MDGA1: variants seen among roughly 807,000 people sequenced by gnomAD.
MDGA1 encodes the protein MAM domain-containing glycosylphosphatidylinositol anchor protein 1.
MDGA1 carries 54 observed loss-of-function variants against 101.5 expected under a neutral mutation model. The observed-to-expected ratio is 0.53, with a 90% confidence interval of 0.43 to 0.67. MDGA1 has a LOEUF of 0.67. Ranked by LOEUF, MDGA1 falls within the 30% of genes least tolerant of loss-of-function variation. The pLI is 0.00. For synonymous variants in MDGA1, 533 were observed against 558.3 expected, an observed-to-expected ratio of 0.95 and a Z score of 0.64; for missense variants, 1,083 against 1,323.8, an observed-to-expected ratio of 0.82 and a Z score of 2.82.
rs1450728669 is a variant in MDGA1, at chr6:37,637,449, C to T, written c.2787G>A (p.Met929Ile). Residue 929 changes from methionine to isoleucine, a missense_variant, in exon 17 of 17, where the codon ATG becomes ATA. Met to Ile is a conservative substitution (Grantham distance 10). This residue lies in a region of MDGA1 where 657 missense variants were observed against 771.4 expected (regional missense o/e 0.85). Coordinates refer to ENST00000434837, the MANE Select transcript of MDGA1 (RefSeq NM_153487.4). ...ACTGGCAGGGGGCTCCACTGCCCGG[C>T]ATCACCACCACTGCAACAGGGGAGA... is the stretch of plus-strand genomic sequence containing the variant. ...KQTDPNKVVV[M>I]PGSGAPCQSS... The T allele has an allele frequency of 6.2e-7, 1 of 1,613,074 alleles. No homozygotes were observed. Among genetic ancestry groups the T allele is most frequent in the Non-Finnish European group, 8.5e-7 (1 of 1,179,574 alleles).
intron 1 of MDGA1, among the ~76,000 whole-genome samples, chr6:37,670,251 T>C (rs1217760424): frequency 6.6e-6 from 1 of 152,098 alleles, no homozygotes; most frequent in African/African-American, 2.4e-5. Flanking sequence ...CCCAAGATGA[T>C]GAAATAGGAG....
intron 1 of MDGA1, among the ~76,000 whole-genome samples, chr6:37,676,018 CT>C (rs1385838360): frequency 2.0e-5 from 3 of 152,208 alleles, no homozygotes; most frequent in Non-Finnish European, 4.4e-5. Context: ...CATAACAGGG[CT>C]CCCTATTGTG....
chr6:37,673,378 C>T (rs575098864), intron 1 of MDGA1, among the ~76,000 whole-genome samples: 2 of 152,346 alleles, frequency 1.3e-5, no homozygotes, highest in East Asian at 3.9e-4. Context: ...TGCAAATGAA[C>T]ACTTAATAAT....
intron 14 of MDGA1, among the ~76,000 whole-genome samples, chr6:37,642,888 A>G (rs922649298): frequency 1.3e-5 from 2 of 152,222 alleles, no homozygotes; most frequent in Non-Finnish European, 2.9e-5. Flanking sequence ...CCTGGAACTG[A>G]GCAGGAGCTC....
In MDGA1 at chr6:37,636,897, G is replaced by A. The variant is rs13198650; in HGVS notation, c.*471C>T. ...CAGGAGTCCCAGAGTCTGACCAAGGGAGGGGCTCCATGTCTGCCCCACTTC... is the reference window on the plus strand; with the variant it reads ...CAGGAGTCCCAGAGTCTGACCAAGGAAGGGGCTCCATGTCTGCCCCACTTC... On this transcript the variant is annotated 3_prime_UTR_variant, in exon 17 of 17. Transcript: ENST00000434837. 52,447 of 153,272 alleles carry A rather than the reference G, an allele frequency of 0.34. 10,130 individuals carry two copies. Among genetic ancestry groups the A allele is most frequent in the Non-Finnish European group, 0.45 (30,971 of 68,504 alleles). The allele number at this position is 153,272 out of a possible 1,614,324, so 9.5% of individuals were successfully genotyped here.
At chr6:37,689,815 T>G (rs1762272492) in intron 1 of MDGA1, among the ~76,000 whole-genome samples, 1 of 152,218 alleles carries the variant, frequency 6.6e-6, no homozygotes, top group African/African-American at 2.4e-5. Flanking sequence ...CTTTTAGTGC[T>G]TAATGATGGT....
At chr6:37,666,133 G>A (rs1489963767) in intron 1 of MDGA1, among the ~76,000 whole-genome samples, 1 of 150,556 alleles carries the variant, frequency 6.6e-6, no homozygotes, top group Non-Finnish European at 1.5e-5. Context: ...GGATCACGAG[G>A]TCAGGAGTTC....
At chr6:37,644,372 C>T (rs971807545) in intron 13 of MDGA1, 125 bp downstream of exon 13, 23 of 1,097,584 alleles carry the variant, frequency 2.1e-5, no homozygotes, top group Non-Finnish European at 2.7e-5. Context: ...CCAGAGCTCC[C>T]TGAGAACAGG....
chr6:37,682,673 C>T (rs1762122226), intron 1 of MDGA1, among the ~76,000 whole-genome samples: 1 of 152,152 alleles, frequency 6.6e-6, no homozygotes, highest in Non-Finnish European at 1.5e-5. Context: ...CTAAGATTCC[C>T]GCTGGCTCTG....
intron 1 of MDGA1, among the ~76,000 whole-genome samples, chr6:37,670,974 T>G (rs1761856962): frequency 6.6e-6 from 1 of 152,194 alleles, no homozygotes; most frequent in South Asian, 2.1e-4. Context: ...ATGGCTGGAT[T>G]TGATCATCTT....
At chr6:37,646,811 G>A (rs1342104321) in intron 10 of MDGA1, among the ~76,000 whole-genome samples, 2 of 152,116 alleles carry the variant, frequency 1.3e-5, no homozygotes, top group African/African-American at 4.8e-5. Flanking sequence ...GCATGGTGGA[G>A]ACCCCCTGGA....
chr6:37,665,253 A>T (rs1761722105), intron 1 of MDGA1, among the ~76,000 whole-genome samples: 1 of 152,162 alleles, frequency 6.6e-6, no homozygotes, highest in South Asian at 2.1e-4. Flanking sequence ...CTAACTTCAC[A>T]GGTTCTGCTC....
At chr6:37,654,214 A>G (rs1015208526) in intron 6 of MDGA1, 60 bp downstream of exon 6, 14 of 1,481,876 alleles carry the variant, frequency 9.4e-6, no homozygotes, top group Non-Finnish European at 1.3e-5. Context: ...GGTAGCTCCC[A>G]AAGACCAGGG....
At chr6:37,642,054 C>G (rs571570703) in intron 14 of MDGA1, among the ~76,000 whole-genome samples, 1 of 150,668 alleles carries the variant, frequency 6.6e-6, no homozygotes, top group Non-Finnish European at 1.5e-5. Flanking sequence ...TGTGGACTGA[C>G]AAGGAATAAT....
intron 2 of MDGA1, among the ~76,000 whole-genome samples, chr6:37,658,841 C>T (rs987298167): frequency 1.3e-5 from 2 of 151,862 alleles, no homozygotes; most frequent in African/African-American, 2.4e-5. Flanking sequence ...CGTTATGGCG[C>T]GCACCTGTGG....
rs1057241864 is a variant in MDGA1, at chr6:37,655,791, G to A, written c.488C>T (p.Pro163Leu). Residue 163 changes from proline to leucine, a missense_variant, in exon 4 of 17, where the codon CCG becomes CTG. Pro to Leu is a moderately conservative substitution (Grantham distance 98). Around this residue, in one of 3 missense-constraint regions of MDGA1, gnomAD observed 310 missense variants for 355.9 expected, o/e 0.87. Coordinates refer to ENST00000434837, the MANE Select transcript of MDGA1 (RefSeq NM_153487.4). This position sits in a 1 kb window ranked among gnomAD's most constrained non-coding sequence, Gnocchi z 5.1. ...VFLRCTVNSN[P>L]PARFIWKRGS... is the part of the protein sequence containing the mutation. ...CCGCTTCCAGATGAAGCGGGCAGGC[G>A]GGTTGGAGTTGACAGTACAGCGCAG... 1 of 1,613,658 alleles carries A rather than the reference G, an allele frequency of 6.2e-7. No individual in the cohort carries two copies. Among genetic ancestry groups the A allele is most frequent in the African/African-American group, 1.3e-5 (1 of 75,038 alleles).
At chr6:37,653,719 G>T (rs1761419762) in intron 6 of MDGA1, among the ~76,000 whole-genome samples, 1 of 152,128 alleles carries the variant, frequency 6.6e-6, no homozygotes, top group Non-Finnish European at 1.5e-5. Flanking sequence ...TGAGGCTGAG[G>T]TTTAATAAGA....
At chr6:37,656,909 A>T (rs936599644) in intron 3 of MDGA1, among the ~76,000 whole-genome samples, 1 of 152,182 alleles carries the variant, frequency 6.6e-6, no homozygotes, top group African/African-American at 2.4e-5. Flanking sequence ...CTGTTTGCCC[A>T]AGAGCATTAC....
intron 13 of MDGA1, 139 bp from the exon 14 acceptor site, chr6:37,644,082 T>C (rs1381240827): frequency 1.3e-6 from 1 of 761,338 alleles, no homozygotes; most frequent in Non-Finnish European, 1.8e-6. Flanking sequence ...CCACGCATCC[T>C]GCCTCACCCC....
Sources: gnomAD v4.1 joint callset for allele counts (sites outside exome capture counted in the v4.1 genomes callset) on GRCh38, gnomAD v4.1.1 for gene constraint, gnomAD v4.1.1 regional missense constraint, Gnocchi (gnomAD v3.1) non-coding constraint, MANE v1.5 for transcripts, NCBI Gene and HGNC (gene_info 2026-07-23, HGNC 2026-07-21) for gene names.